The following IPO11 variants were observed in gnomAD, a reference collection of about 807,000 sequenced individuals.
IPO11 encodes importin-11.
IPO11 carries 66 observed loss-of-function variants against 143.2 expected under a neutral mutation model. The observed-to-expected ratio is 0.46, with a 90% CI of 0.38 to 0.57. The LOEUF is 0.57. Ranked by LOEUF, IPO11 falls within the 20% of genes least tolerant of loss-of-function variation. The probability of loss-of-function intolerance (pLI) is 0.00; values close to 1 mark genes in which losing one functional copy is unlikely to be tolerated. For missense variants in IPO11, 1,026 were observed against 1,141.0 expected (o/e 0.90, Z 1.45); for synonymous variants, 385 against 377.8 (o/e 1.02, Z -0.22).
chr5:62,572,783 A>G (rs1160371922), intron 27 of IPO11, among the ~76,000 whole-genome samples: 1 of 151,826 alleles, frequency 6.6e-6, no homozygotes, highest in African/African-American at 2.4e-5. Flanking sequence ...GGATTTCGCC[A>G]TGTTGCTCAG....
At chr5:62,507,335 G>A (rs1741587732) in intron 19 of IPO11, among the ~76,000 whole-genome samples, 1 of 152,162 alleles carries the variant, frequency 6.6e-6, no homozygotes, top group African/African-American at 2.4e-5. Flanking sequence ...AGTAATATCT[G>A]TGTGATTCTT....
intron 28 of IPO11, among the ~76,000 whole-genome samples, chr5:62,595,210 A>G (rs954118276): frequency 7.2e-5 from 11 of 152,336 alleles, no homozygotes; most frequent in Admixed American, 5.2e-4. Context: ...ACTGTAAATG[A>G]GAACCTACTG....
chr5:62,551,418 G>A (rs1743387544), intron 26 of IPO11, 82 bp downstream of exon 26: 4 of 750,762 alleles, frequency 5.3e-6, no homozygotes, highest in African/African-American at 3.6e-5. Flanking sequence ...ATGAGTCTTT[G>A]TAAAAGTCGC....
chr5:62,601,608 T>G (rs1468163592), intron 28 of IPO11, among the ~76,000 whole-genome samples, 156 bp from the exon 29 acceptor site: 1 of 152,106 alleles, frequency 6.6e-6, no homozygotes, highest in Admixed American at 6.6e-5. Context: ...TTCAAAAATT[T>G]TGTTAAATTT....
At chr5:62,429,727 G>A (rs555373325) in intron 1 of IPO11, among the ~76,000 whole-genome samples, 26 of 152,068 alleles carry the variant, frequency 1.7e-4, no homozygotes, top group African/African-American at 5.3e-4. Flanking sequence ...GGGTTCAAGC[G>A]ATTCTCCTGC....
At chr5:62,572,865 G>A (rs1407221918) in intron 27 of IPO11, among the ~76,000 whole-genome samples, 2 of 152,152 alleles carry the variant, frequency 1.3e-5, no homozygotes, top group Non-Finnish European at 1.5e-5. Flanking sequence ...TTGCAGGTGG[G>A]AGCCACTGTG....
At chr5:62,566,051 CAT>C (rs1743927611) in intron 27 of IPO11, among the ~76,000 whole-genome samples, 1 of 152,118 alleles carries the variant, frequency 6.6e-6, no homozygotes, top group African/African-American at 2.4e-5. Context: ...GGGTTGGTTA[CAT>C]GTTTTCGTTA....
chr5:62,595,630 C>T (rs1402595036), intron 28 of IPO11, among the ~76,000 whole-genome samples: 1 of 151,964 alleles, frequency 6.6e-6, no homozygotes, highest in African/African-American at 2.4e-5. Context: ...TGCCTATTAA[C>T]GTTGATACTA....
chr5:62,433,629 C>T (rs974402429), intron 1 of IPO11, among the ~76,000 whole-genome samples: 1 of 152,180 alleles, frequency 6.6e-6, no homozygotes, highest in Non-Finnish European at 1.5e-5. Context: ...ATGAACTGAG[C>T]TCTTCCCCGC....
chr5:62,582,917 A>G (rs1459834802), intron 27 of IPO11, among the ~76,000 whole-genome samples: 1 of 152,190 alleles, frequency 6.6e-6, no homozygotes, highest in East Asian at 1.9e-4. Context: ...TTTGAGAGAA[A>G]ATCAGAAAGG....
chr5:62,462,249 G>T (rs1745385495), intron 5 of IPO11, among the ~76,000 whole-genome samples: 1 of 152,080 alleles, frequency 6.6e-6, no homozygotes, highest in East Asian at 1.9e-4. Context: ...GAACAGAATA[G>T]AATTTTTTTT....
At chr5:62,486,996 C>G (rs1184268602) in intron 12 of IPO11, among the ~76,000 whole-genome samples, 3 of 151,852 alleles carry the variant, frequency 2.0e-5, no homozygotes, top group African/African-American at 7.3e-5. Flanking sequence ...TGTGAACGAT[C>G]TAGTGATTAA....
chr5:62,624,002 T>C (rs781485104), intron 29 of IPO11, among the ~76,000 whole-genome samples: 5 of 151,786 alleles, frequency 3.3e-5, no homozygotes, highest in Non-Finnish European at 7.4e-5. Flanking sequence ...TGGTCAATTC[T>C]TAGAACTGAG....
intron 1 of IPO11, among the ~76,000 whole-genome samples, chr5:62,429,825 G>A (rs1294161024): frequency 6.6e-6 from 1 of 151,728 alleles, no homozygotes; most frequent in Non-Finnish European, 1.5e-5. Context: ...GGGTTTCACC[G>A]TGTCAGCCAG....
At chr5:62,469,277 G>A (rs1390211875) in intron 6 of IPO11, among the ~76,000 whole-genome samples, 2 of 152,156 alleles carry the variant, frequency 1.3e-5, no homozygotes, top group Admixed American at 1.3e-4. Flanking sequence ...AAAACTTACT[G>A]CATCGTTATG....
At chr5:62,530,664 T>C in intron 21 of IPO11, 45 bp from the exon 22 acceptor site, 1 of 1,230,352 alleles carries the variant, frequency 8.1e-7, no homozygotes, top group Non-Finnish European at 1.2e-6. Flanking sequence ...TTAATGGCTT[T>C]AATGGGCATG....
intron 1 of IPO11, among the ~76,000 whole-genome samples, chr5:62,426,572 AAAGG>A (rs1201154536): frequency 6.6e-6 from 1 of 152,154 alleles, no homozygotes; most frequent in Non-Finnish European, 1.5e-5. Flanking sequence ...GTTTTTGGAG[AAAGG>A]AAGAGAAATA....
chr5:62,611,048 T>G (rs1308178893), intron 29 of IPO11, among the ~76,000 whole-genome samples: 1 of 152,226 alleles, frequency 6.6e-6, no homozygotes, highest in East Asian at 1.9e-4. Context: ...ACATCCTTAT[T>G]TTCATTTCTA....
intron 29 of IPO11, among the ~76,000 whole-genome samples, chr5:62,603,130 C>G (rs570660218): frequency 6.6e-5 from 10 of 152,060 alleles, no homozygotes; most frequent in Non-Finnish European, 1.5e-4. Flanking sequence ...ACAAGAAGCT[C>G]CTACAGCATA....
Sources: allele counts gnomAD v4.1 joint callset (sites outside exome capture counted in the v4.1 genomes callset), GRCh38; gene constraint gnomAD v4.1.1; transcripts MANE v1.5; gene names NCBI Gene and HGNC (gene_info 2026-07-23, HGNC 2026-07-21).